Variants in USP32 observed in about 807,000 individuals in gnomAD.
USP32 encodes ubiquitin carboxyl-terminal hydrolase 32.
In USP32, 59 loss-of-function variants were observed where a neutral mutation model predicts 204.8. That is an observed-to-expected ratio of 0.29 (90% confidence interval 0.23 to 0.36). The LOEUF is 0.36. USP32 is among the 10% of genes least tolerant of loss of function. The probability of loss-of-function intolerance (pLI) is 1.00; values close to 1 mark genes in which losing one functional copy is unlikely to be tolerated. For synonymous variants in USP32, 517 were observed against 678.4 expected, an observed-to-expected ratio of 0.76 and a Z score of 3.70; for missense variants, 1,160 against 1,946.4, an observed-to-expected ratio of 0.60 and a Z score of 7.60.
chr17:60,189,165 T>C (rs1159445856), intron 29 of USP32, among the ~76,000 whole-genome samples: 2 of 152,246 alleles, frequency 1.3e-5, no homozygotes, highest in Non-Finnish European at 2.9e-5. Context: ...GTGAGCATGA[T>C]CTAGAACATT....
rs2085028238 is a variant in USP32, at chr17:60,213,656, G to C, written c.2029C>G (p.Leu677Val). ...TGATCCTCATCATCCAGAAGAGTAA[G>C]GTAGTTCTGTGTAAGGAGGAGGAAA... ...RLWLYNSENY[L>V]TLLDDEDHKL... Residue 677 changes from leucine (L) to valine (V), a missense_variant, in exon 18 of 34, where the codon CTT becomes GTT. By Grantham distance (32) the Leu-to-Val change is conservative. Coordinates refer to ENST00000300896, the MANE Select transcript of USP32 (RefSeq NM_032582.4). 7.9e-7 allele frequency: 1 copy of C among 1,264,300 alleles called. No homozygotes were observed. The highest frequency in any genetic ancestry group is 1.6e-5 in the African/African-American group (1 of 62,908). 78.3% of individuals were successfully genotyped at this position (1,264,300 alleles called of 1,614,324 possible).
At chr17:60,378,189 A>T (rs1197495946) in intron 1 of USP32, among the ~76,000 whole-genome samples, 1 of 152,148 alleles carries the variant, frequency 6.6e-6, no homozygotes, top group Non-Finnish European at 1.5e-5. Context: ...ATAGCACATT[A>T]AAAAAATGCT....
At chr17:60,250,492 AAAAGCCTTT>A (rs1567802502) in intron 11 of USP32, among the ~76,000 whole-genome samples, 1 of 152,164 alleles carries the variant, frequency 6.6e-6, no homozygotes, top group Non-Finnish European at 1.5e-5. Flanking sequence ...ATAGCCACAT[AAAAGCCTTT>A]ATGTATGTCC....
intron 2 of USP32, chr17:60,304,761 C>T (rs1386205694): frequency 6.6e-6 from 1 of 152,072 alleles, no homozygotes; most frequent in Non-Finnish European, 1.5e-5. Flanking sequence ...TTTAAACTGC[C>T]AGTCACCAGG....
intron 9 of USP32, among the ~76,000 whole-genome samples, chr17:60,262,494 T>A (rs905728982): frequency 6.6e-6 from 1 of 152,160 alleles, no homozygotes; most frequent in East Asian, 1.9e-4. Flanking sequence ...GCCCAACCTA[T>A]ATGACTTATT....
At chr17:60,282,185 T>A (rs1208114990) in intron 5 of USP32, among the ~76,000 whole-genome samples, 1 of 152,192 alleles carries the variant, frequency 6.6e-6, no homozygotes, top group African/African-American at 2.4e-5. Context: ...TTACATGTAT[T>A]TAAAGCAAAC....
Position 60,288,664 on chromosome 17 carries a change from C to G in USP32, c.430G>C (p.Glu144Gln), listed in dbSNP as rs1170160181. The G allele has an allele frequency of 1.2e-6, 2 of 1,602,128 alleles. No individual in the cohort carries two copies. Among genetic ancestry groups the G allele is most frequent in the African/African-American group, 2.7e-5 (2 of 73,798 alleles). The change falls in exon 5 of 34, where the codon GAA (glutamate) becomes CAA (glutamine). Residue 144 changes from glutamate to glutamine, a missense_variant. Coordinates refer to ENST00000300896, the MANE Select transcript of USP32 (RefSeq NM_032582.4). ...CFSEGEKVNY[E>Q]KFRNWLFLNK... ...AGAAAAAGCCAATTTCTAAACTTTTCATAGTTTACCTTTTCACCCTAAAAT... is the reference window on the plus strand; with the variant it reads ...AGAAAAAGCCAATTTCTAAACTTTTGATAGTTTACCTTTTCACCCTAAAAT...
rs769688411 is a variant in USP32, at chr17:60,209,441, G to C, written c.2527C>G (p.Arg843Gly). 1 of 1,589,166 alleles carries C rather than the reference G, an allele frequency of 6.3e-7. No individual in the cohort carries two copies. Among genetic ancestry groups the C allele is most frequent in the South Asian group, 1.2e-5 (1 of 85,676 alleles). Residue 843 changes from arginine (R) to glycine (G), a missense_variant, in exon 22 of 34, where the codon CGA becomes GGA. Physicochemically the swap from Arg to Gly is moderately radical, Grantham distance 125. Coordinates refer to ENST00000300896, the MANE Select transcript of USP32 (RefSeq NM_032582.4). ...TCCACATATGGCTTTTCATGGACTC[G>C]ATTAAGATCTTCATGAAGACCATCC... ...LLDGLHEDLN[R>G]VHEKPYVELK... is the part of the protein sequence containing the mutation.
intron 1 of USP32, among the ~76,000 whole-genome samples, chr17:60,346,791 C>G (rs142238740): frequency 2.0e-5 from 3 of 152,080 alleles, no homozygotes; most frequent in African/African-American, 7.2e-5. Flanking sequence ...AAGGCTAAAC[C>G]AAGCAAAATG....
At chr17:60,380,718 A>G (rs939523013) in intron 1 of USP32, among the ~76,000 whole-genome samples, 1 of 152,236 alleles carries the variant, frequency 6.6e-6, no homozygotes, top group African/African-American at 2.4e-5. Flanking sequence ...CTAAAATTGC[A>G]TGGAATTTTG....
intron 1 of USP32, among the ~76,000 whole-genome samples, chr17:60,406,584 C>T (rs570170925): frequency 3.3e-5 from 5 of 152,074 alleles, no homozygotes; most frequent in Non-Finnish European, 5.9e-5. Flanking sequence ...GGCATGACCT[C>T]GGCTCACTGT....
intron 12 of USP32, among the ~76,000 whole-genome samples, chr17:60,228,030 C>CT (rs879358865): frequency 1.0e-3 from 143 of 143,220 alleles, no homozygotes; most frequent in East Asian, 1.4e-3. Context: ...AGTCAAAATT[C>CT]TTTTTTTTTT....
intron 1 of USP32, among the ~76,000 whole-genome samples, chr17:60,364,511 C>T (rs2089276190): frequency 6.6e-6 from 1 of 152,170 alleles, no homozygotes; most frequent in African/African-American, 2.4e-5. Flanking sequence ...TCCCAAGTAG[C>T]TCAGATAGGT....
chr17:60,306,629 C>T (rs539714305), intron 2 of USP32, among the ~76,000 whole-genome samples: 5 of 151,196 alleles, frequency 3.3e-5, no homozygotes, highest in South Asian at 2.1e-4. Flanking sequence ...CAGAGCAAGA[C>T]TCCGTCTCGA....
intron 2 of USP32, among the ~76,000 whole-genome samples, chr17:60,315,452 T>TA (rs764982677): frequency 2.6e-5 from 4 of 151,978 alleles, no homozygotes; most frequent in Non-Finnish European, 1.5e-5. Context: ...AACAAGAATG[T>TA]AAAAAAACCC....
intron 1 of USP32, among the ~76,000 whole-genome samples, chr17:60,365,156 G>A (rs867520029): frequency 6.6e-5 from 10 of 152,160 alleles, no homozygotes; most frequent in African/African-American, 1.9e-4. Context: ...CAGTTAATCT[G>A]ATTTCATAAA....
At chr17:60,379,770 A>G (rs1352477709) in intron 1 of USP32, among the ~76,000 whole-genome samples, 1 of 152,250 alleles carries the variant, frequency 6.6e-6, no homozygotes, top group African/African-American at 2.4e-5. Context: ...GCAAAAGGTT[A>G]TGGCTTAACA....
chr17:60,239,580 T>C (rs573219742), intron 11 of USP32, among the ~76,000 whole-genome samples: 17 of 152,326 alleles, frequency 1.1e-4, no homozygotes, highest in African/African-American at 4.1e-4. Context: ...TTCTTCTGCC[T>C]GCTCATATCT....
At chr17:60,282,590 G>C (rs2086995051) in intron 5 of USP32, among the ~76,000 whole-genome samples, 1 of 152,156 alleles carries the variant, frequency 6.6e-6, no homozygotes, top group Non-Finnish European at 1.5e-5. Flanking sequence ...TTGACCTCGT[G>C]ATCCACCCAT....
Sources: allele counts gnomAD v4.1 joint callset (sites outside exome capture counted in the v4.1 genomes callset), GRCh38; gene constraint gnomAD v4.1.1; transcripts MANE v1.5; gene names NCBI Gene and HGNC (gene_info 2026-07-23, HGNC 2026-07-21).